Variants in SEMA3G observed in about 807,000 individuals in gnomAD.
SEMA3G encodes semaphorin-3G.
Under a neutral mutation model 86.2 loss-of-function variants are expected in SEMA3G, and 70 were observed. That is an observed-to-expected ratio of 0.81 (90% CI 0.67 to 0.99). SEMA3G has a LOEUF of 0.99. Among genes scored for constraint, SEMA3G ranks in the 50% least tolerant of loss-of-function variants. The pLI is 0.00. For synonymous variants in SEMA3G, 416 were observed against 441.4 expected (o/e 0.94, Z 0.72); for missense variants, 1,002 against 1,072.4 (o/e 0.93, Z 0.92).
In SEMA3G at chr3:52,444,975, T is replaced by C; in HGVS notation, c.53A>G (p.His18Arg). Residue 18 changes from histidine to arginine, a missense_variant, in exon 1 of 16, where the codon CAT (histidine) becomes CGT (arginine). By Grantham distance (29) the His-to-Arg change is conservative. Transcript: ENST00000231721. ...GGGGCTGGGGCCAGAGCTACCCCCA[T>C]GGAGCAGGAGGCCCCCTAGCAGCCA... ...ICWLLGGLLL[H>R]GGSSGPSPGP... The C allele has an allele frequency of 3.9e-6, 5 of 1,296,868 alleles. No individual in the cohort carries two copies. Among genetic ancestry groups the C allele is most frequent in the Non-Finnish European group, 4.9e-6 (5 of 1,017,154 alleles). The allele number at this position is 1,296,868 out of a possible 1,614,324, so 80.3% of individuals were successfully genotyped here.
chr3:52,443,882 G>A (rs928160822), intron 1 of SEMA3G, among the ~76,000 whole-genome samples: 8 of 152,180 alleles, frequency 5.3e-5, no homozygotes, highest in African/African-American at 1.9e-4. Flanking sequence ...TCACCCCTCT[G>A]GTTTCCTCAG....
chr3:52,441,937 G>A (rs1578258923), intron 4 of SEMA3G, 28 bp from the exon 5 acceptor site: 1 of 1,501,990 alleles, frequency 6.7e-7, no homozygotes, highest in African/African-American at 1.4e-5. Flanking sequence ...GGGAGGGAGG[G>A]GCGTCACCTG....
chr3:52,436,753 TGGATTGCTTGAG>T (rs1706056050), intron 15 of SEMA3G, among the ~76,000 whole-genome samples: 1 of 151,990 alleles, frequency 6.6e-6, no homozygotes, highest in Non-Finnish European at 1.5e-5. Flanking sequence ...GTGTTGGGGG[TGGATTGCTTGAG>T]CCATTAGCTA....
chr3:52,436,345 T>C (rs1430400276), intron 15 of SEMA3G, among the ~76,000 whole-genome samples: 1 of 152,212 alleles, frequency 6.6e-6, no homozygotes, highest in African/African-American at 2.4e-5. Context: ...AGGACTCCAA[T>C]CTTGGCCTCA....
chr3:52,436,069 T>C lies in SEMA3G; in HGVS notation c.1883A>G (p.Lys628Arg). The change falls in exon 16 of 16, where the codon AAG becomes AGG. Residue 628 changes from lysine (K) to arginine (R), a missense_variant. By Grantham distance (26) the Lys-to-Arg change is conservative. Transcript: ENST00000231721. Reference protein sequence around the residue: ...RPGDEGPDQVKTDERVLHTER... With the variant: ...RPGDEGPDQVRTDERVLHTER... ...CGTGTGCAAGACTCGCTCGTCCGTCTTCACCTGCCATGCGGGCGGGAGGGC... is the reference window on the plus strand; with the variant it reads ...CGTGTGCAAGACTCGCTCGTCCGTCCTCACCTGCCATGCGGGCGGGAGGGC... 1 of 1,605,758 alleles carries C rather than the reference T, an allele frequency of 6.2e-7. No individual in the cohort carries two copies. Among genetic ancestry groups the C allele is most frequent in the South Asian group, 1.1e-5 (1 of 90,680 alleles).
Position 52,435,416 on chromosome 3 carries a change from G to A in SEMA3G, c.*187C>T, listed in dbSNP as rs1464988667. The A allele has an allele frequency of 4.5e-5, 28 of 616,956 alleles. No homozygotes were observed. Among genetic ancestry groups the A allele is most frequent in the South Asian group, 3.5e-4 (18 of 51,092 alleles). 38.2% of individuals were successfully genotyped at this position (616,956 alleles called of 1,614,324 possible). A position where few individuals can be genotyped will look rare whatever the true frequency, so the allele number is the denominator to read the frequency against. On this transcript the variant is annotated 3_prime_UTR_variant, in exon 16 of 16. Transcript: ENST00000231721. The stretch of plus-strand genomic sequence containing the variant: ...GCTGGGTCTAAGAGCACAGAGAAGG[G>A]CAGGGAACAGGCTTCAAGAACCCAG...
At chr3:52,437,471 G>C in intron 15 of SEMA3G, 56 bp downstream of exon 15, 1 of 1,546,358 alleles carries the variant, frequency 6.5e-7, no homozygotes, top group Non-Finnish European at 8.8e-7. Flanking sequence ...TGGGGTTCAG[G>C]ATGGGAGGTG....
chr3:52,440,423 T>C lies in SEMA3G; in HGVS notation c.1097A>G (p.Gln366Arg), dbSNP rs752706993. ...CACCTTGCCCCCATAGGGCCCCCAC[T>C]GGTGCTGAGGCCCATCTCGGTGGGC... ...PFAHRDGPQH[Q>R]WGPYGGKVPF... is the part of the protein sequence containing the mutation. The change falls in exon 10 of 16, where the codon CAG becomes CGG. Residue 366 changes from glutamine (Q) to arginine (R), a missense_variant. Gln to Arg is a conservative substitution (Grantham distance 43). Transcript: ENST00000231721. 6.8e-6 allele frequency: 11 copies of C among 1,610,582 alleles called. No homozygotes were observed. The highest frequency in any genetic ancestry group is 9.3e-6 in the Non-Finnish European group (11 of 1,179,262).
Position 52,442,379 on chromosome 3 carries a change from C to T in SEMA3G, c.340-75G>A. 1.3e-6 allele frequency: 2 copies of T among 1,497,966 alleles called. No homozygotes were observed. The highest frequency in any genetic ancestry group is 1.7e-5 in the Admixed American group (1 of 58,190). The allele number at this position is 1,497,966 out of a possible 1,614,324, so 92.8% of individuals were successfully genotyped here. A position where few individuals can be genotyped will look rare whatever the true frequency, so the allele number is the denominator to read the frequency against. On this transcript the variant is annotated intron_variant, in intron 3 of 15. Transcript: ENST00000231721. The surrounding 1 kb of genome is among the most constrained non-coding windows in gnomAD (Gnocchi z 6.1). ...ATCTCCTTGGGGCCCAAGGCTCAGC[C>T]CTGTCTGGCGGTCAGCTCTGGGGAG...
chr3:52,444,347 C>T (rs746198985), intron 1 of SEMA3G, among the ~76,000 whole-genome samples: 3 of 152,076 alleles, frequency 2.0e-5, no homozygotes, highest in African/African-American at 4.8e-5. Flanking sequence ...GTCCTGTCTC[C>T]CAGGACCTGC....
In SEMA3G at chr3:52,442,878, A is replaced by T; in HGVS notation, c.145T>A (p.Phe49Ile). The stretch of plus-strand genomic sequence containing the variant: ...TTCAGGGAGCCCTGGGGGCCCAGAA[A>T]GATGGCAGAGCGGTTGGCAGACAGG... ...DLLSANRSAI[F>I]LGPQGSLNLQ... is the part of the protein sequence containing the mutation. The change falls in exon 2 of 16, where the codon TTT becomes ATT. Residue 49 changes from phenylalanine (F) to isoleucine (I), a missense_variant. Transcript: ENST00000231721. The surrounding 1 kb of genome is among the most constrained non-coding windows in gnomAD (Gnocchi z 6.1). 1 of 1,606,538 alleles carries T rather than the reference A, an allele frequency of 6.2e-7. No individual in the cohort carries two copies. The highest frequency in any genetic ancestry group is 1.1e-5 in the South Asian group (1 of 89,708).
In SEMA3G at chr3:52,442,473, G is replaced by C; in HGVS notation, c.339+86C>G. The C allele has an allele frequency of 6.8e-7, 1 of 1,470,760 alleles. No individual in the cohort carries two copies. Among genetic ancestry groups the C allele is most frequent in the South Asian group, 1.1e-5 (1 of 87,420 alleles). 91.1% of individuals were successfully genotyped at this position (1,470,760 alleles called of 1,614,324 possible). On this transcript the variant is annotated intron_variant, in intron 3 of 15. Transcript: ENST00000231721. This position sits in a 1 kb window ranked among gnomAD's most constrained non-coding sequence, Gnocchi z 6.1. ...AGATCTGCTCCAAATGCCCCTGGTA[G>C]AGGTACCTGGGGCGTGGTCACGGAT... is the stretch of plus-strand genomic sequence containing the variant.
Position 52,438,211 on chromosome 3 carries a change from C to G in SEMA3G, c.1510-12G>C. 2.5e-6 allele frequency: 4 copies of G among 1,608,024 alleles called. No homozygotes were observed. Among genetic ancestry groups the G allele is most frequent in the Non-Finnish European group, 2.5e-6 (3 of 1,176,872 alleles). On this transcript the variant is annotated splice_polypyrimidine_tract_variant and intron_variant, in intron 13 of 15. Transcript: ENST00000231721. The stretch of plus-strand genomic sequence containing the variant: ...ACGTATAGCATTTGCTGGGGAGGGA[C>G]AGAAGCAGAGCCTGAGGTGAGCCCA...
Position 52,442,578 on chromosome 3 carries a change from C to T in SEMA3G, c.320G>A (p.Arg107Gln), listed in dbSNP as rs746088829. 9.9e-6 allele frequency: 16 copies of T among 1,614,008 alleles called. No individual in the cohort carries two copies. Among genetic ancestry groups the T allele is most frequent in the Middle Eastern group, 3.3e-4 (2 of 6,084 alleles). The change falls in exon 3 of 16, where the codon CGA becomes CAA. Residue 107 changes from arginine to glutamine, a missense_variant. Physicochemically the swap from Arg to Gln is conservative, Grantham distance 43. Transcript: ENST00000231721. This position sits in a 1 kb window ranked among gnomAD's most constrained non-coding sequence, Gnocchi z 6.1. Reference protein sequence around the residue: ...PQPGQREECVRKGRDPLTECA... With the variant: ...PQPGQREECVQKGRDPLTECA... Reference sequence around the variant, plus strand: ...ACTCACCAAAGGATCTCTTCCCTTTCGAACACACTCCTCCCTCTGTCCTGG... The same window carrying T: ...ACTCACCAAAGGATCTCTTCCCTTTTGAACACACTCCTCCCTCTGTCCTGG...
chr3:52,444,050 C>A (rs1048792692), intron 1 of SEMA3G, among the ~76,000 whole-genome samples: 8 of 152,154 alleles, frequency 5.3e-5, no homozygotes, highest in African/African-American at 1.9e-4. Context: ...TTCTTGGGTG[C>A]AGGAGCACAT....
rs1706180113 is a variant in SEMA3G at position 52,442,593 on chromosome 3, C to T, written c.305G>A (p.Arg102Lys). 1 of 1,614,144 alleles carries T rather than the reference C, an allele frequency of 6.2e-7. No individual in the cohort carries two copies. The highest frequency in any genetic ancestry group is 8.5e-7 in the Non-Finnish European group (1 of 1,180,010). ...EVLWPPQPGQ[R>K]EECVRKGRDP... Reference sequence around the variant, plus strand: ...TCTTCCCTTTCGAACACACTCCTCCCTCTGTCCTGGCTGCGGTGGCCACAG... The same window carrying T: ...TCTTCCCTTTCGAACACACTCCTCCTTCTGTCCTGGCTGCGGTGGCCACAG... Residue 102 changes from arginine (R) to lysine (K), a missense_variant, in exon 3 of 16, where the codon AGG becomes AAG. Arg to Lys is a conservative substitution (Grantham distance 26, BLOSUM62 2). Coordinates refer to ENST00000231721, the MANE Select transcript of SEMA3G (RefSeq NM_020163.3). This position sits in a 1 kb window ranked among gnomAD's most constrained non-coding sequence, Gnocchi z 6.1.
chr3:52,436,348 T>C (rs537969712), intron 15 of SEMA3G, among the ~76,000 whole-genome samples: 1 of 152,224 alleles, frequency 6.6e-6, no homozygotes, highest in African/African-American at 2.4e-5. Context: ...ACTCCAATCT[T>C]GGCCTCAGAG....
chr3:52,443,729 G>A (rs1232214452), intron 1 of SEMA3G, among the ~76,000 whole-genome samples: 1 of 152,204 alleles, frequency 6.6e-6, no homozygotes, highest in African/African-American at 2.4e-5. Flanking sequence ...GTACCTTGGG[G>A]AACTTTCCCT....
In SEMA3G at chr3:52,436,092, G is replaced by A; in HGVS notation, c.1879-19C>T. 6.3e-7 allele frequency: 1 copy of A among 1,590,890 alleles called. No individual in the cohort carries two copies. Among genetic ancestry groups the A allele is most frequent in the Non-Finnish European group, 8.6e-7 (1 of 1,166,380 alleles). On this transcript the variant is annotated intron_variant, in intron 15 of 15. Coordinates refer to ENST00000231721, the MANE Select transcript of SEMA3G (RefSeq NM_020163.3). ...TCTTCACCTGCCATGCGGGCGGGAGGGCGTGAGTAGGGTGCAAGGTGGGAG... is the reference window on the plus strand; with the variant it reads ...TCTTCACCTGCCATGCGGGCGGGAGAGCGTGAGTAGGGTGCAAGGTGGGAG...
Sources: allele counts gnomAD v4.1 joint callset (sites outside exome capture counted in the v4.1 genomes callset), GRCh38; gene constraint gnomAD v4.1.1; non-coding constraint Gnocchi (gnomAD v3.1); transcripts MANE v1.5; gene names NCBI Gene and HGNC (gene_info 2026-07-23, HGNC 2026-07-21).